ABCA8: variants seen among roughly 807,000 people sequenced by gnomAD.
ABCA8 encodes ABC-type organic anion transporter ABCA8.
In ABCA8, 177 loss-of-function variants were observed where a neutral mutation model predicts 192.3. The observed-to-expected ratio is 0.92, with a 90% CI of 0.81 to 1.04. ABCA8 has a LOEUF of 1.04. Among genes scored for constraint, ABCA8 ranks in the 50% least tolerant of loss-of-function variants. ABCA8 has a pLI of 0.00. For missense variants in ABCA8, 1,915 were observed against 1,904.8 expected (o/e 1.01, Z -0.10); for synonymous variants, 642 against 690.2 (o/e 0.93, Z 1.09).
chr17:68,907,388 G>A (rs1441120360), intron 18 of ABCA8, among the ~76,000 whole-genome samples: 9 of 152,004 alleles, frequency 5.9e-5, no homozygotes, highest in Admixed American at 2.0e-4. Context: ...AAGTCTCACC[G>A]AGACAGATAG....
In ABCA8 at chr17:68,907,775, T is replaced by G; in HGVS notation, c.2243A>C (p.Tyr748Ser). The change falls in exon 18 of 40, where the codon TAT becomes TCT. Residue 748 changes from tyrosine (Y) to serine (S), a missense_variant. Coordinates refer to ENST00000586539, the MANE Select transcript of ABCA8 (RefSeq NM_001288985.2). ...ATTTGTTCTTTCTAAGGGTAATGTATAAATAAGTTTTCCTTCGCTTTTGGC... is the reference window on the plus strand; with the variant it reads ...ATTTGTTCTTTCTAAGGGTAATGTAGAAATAAGTTTTCCTTCGCTTTTGGC... The part of the protein sequence containing the change: ...LSAKSEGKLI[Y>S]TLPLERTNKF... 6.2e-7 allele frequency: 1 copy of G among 1,607,932 alleles called. No homozygotes were observed. The highest frequency in any genetic ancestry group is 1.7e-5 in the Admixed American group (1 of 59,230).
In ABCA8 at chr17:68,933,160, G is replaced by T. The variant is rs775845109; in HGVS notation, c.570+8C>A. ...AACATTAGTTTGCTTTGAACATTTT[G>T]TACTCACTTCTATAATAGCAGCATT... is the stretch of plus-strand genomic sequence containing the variant. On this transcript the variant is annotated splice_region_variant and intron_variant, in intron 6 of 39. Coordinates refer to ENST00000586539, the MANE Select transcript of ABCA8 (RefSeq NM_001288985.2). 2.5e-6 allele frequency: 4 copies of T among 1,589,190 alleles called. No homozygotes were observed. The highest frequency in any genetic ancestry group is 3.4e-6 in the Non-Finnish European group (4 of 1,161,104).
At chr17:68,943,222 A>T (rs2068281688) in intron 2 of ABCA8, among the ~76,000 whole-genome samples, 1 of 152,292 alleles carries the variant, frequency 6.6e-6, no homozygotes, top group Non-Finnish European at 1.5e-5. Context: ...TTGTCTTTTT[A>T]AAATGTCACT....
rs770509486 is a variant in ABCA8, at chr17:68,891,535, G to A, written c.3098C>T (p.Ser1033Leu). 6 of 1,613,134 alleles carry A rather than the reference G, an allele frequency of 3.7e-6. No individual in the cohort carries two copies. Among genetic ancestry groups the A allele is most frequent in the East Asian group, 2.2e-5 (1 of 44,780 alleles). The stretch of plus-strand genomic sequence containing the variant: ...CATGGCAATGTAAGGTGGGCAACTC[G>A]ATGTTAAAACCAGCCAGAACATGAT... The part of the protein sequence containing the change: ...AYIMFWLVLT[S>L]SCPPYIAMSS... Residue 1033 changes from serine to leucine, a missense_variant, in exon 24 of 40, where the codon TCG becomes TTG. Transcript: ENST00000586539.
intron 39 of ABCA8, 43 bp from the exon 40 acceptor site, chr17:68,868,226 G>A: frequency 4.4e-6 from 7 of 1,606,320 alleles, no homozygotes; most frequent in Non-Finnish European, 6.0e-6. Flanking sequence ...ACAATGCCGT[G>A]CTGCCTCTGC....
intron 17 of ABCA8, among the ~76,000 whole-genome samples, chr17:68,915,153 T>C (rs1450462264): frequency 6.6e-6 from 1 of 152,122 alleles, no homozygotes; most frequent in Non-Finnish European, 1.5e-5. Flanking sequence ...ATTAAAGACT[T>C]ACTTATAAGT....
At chr17:68,898,372 TAAAG>T (rs1259641517) in intron 21 of ABCA8, among the ~76,000 whole-genome samples, 7 of 151,874 alleles carry the variant, frequency 4.6e-5, no homozygotes, top group African/African-American at 1.7e-4. Context: ...ATAAAAATAA[TAAAG>T]AATAAAAAAT....
chr17:68,926,253 G>A (rs2067695254), intron 10 of ABCA8, among the ~76,000 whole-genome samples: 1 of 152,138 alleles, frequency 6.6e-6, no homozygotes, highest in East Asian at 1.9e-4. Context: ...ATAAGCAATT[G>A]TAAACACAGT....
Position 68,917,355 on chromosome 17 carries a change from C to A in ABCA8, c.2138+6G>T. On this transcript the variant is annotated splice_donor_region_variant and intron_variant, in intron 17 of 39. Transcript: ENST00000586539. Reference sequence around the variant, plus strand: ...ATCTACTCCCAGCCTTCTTAAGTGACCTTACCTTAAGTGATATCCAATCCC... The same window carrying A: ...ATCTACTCCCAGCCTTCTTAAGTGAACTTACCTTAAGTGATATCCAATCCC... The A allele has an allele frequency of 6.3e-7, 1 of 1,594,446 alleles. No homozygotes were observed. Among genetic ancestry groups the A allele is most frequent in the South Asian group, 1.1e-5 (1 of 89,354 alleles).
At chr17:68,887,901 T>TGTCC (rs1374001244) in intron 24 of ABCA8, among the ~76,000 whole-genome samples, 1 of 56,212 alleles carries the variant, frequency 1.8e-5, no homozygotes, top group African/African-American at 1.5e-4. Context: ...TATATATATA[T>TGTCC]ATATATCCAT....
rs199960815 is a variant in ABCA8, at chr17:68,882,697, C to T, written c.3730G>A (p.Val1244Met). 3.1e-6 allele frequency: 5 copies of T among 1,612,608 alleles called. No homozygotes were observed. Among genetic ancestry groups the T allele is most frequent in the Non-Finnish European group, 4.2e-6 (5 of 1,179,462 alleles). ...FFRISPRSSD[V>M]CQNPEEPEGE... ...TCTGGTTCTTCTGGATTTTGACACA[C>T]ATCACTACTTCTTGGAGAAATTCTA... Residue 1244 changes from valine (V) to methionine (M), a missense_variant, in exon 30 of 40, where the codon GTG becomes ATG. By Grantham distance (21) the Val-to-Met change is conservative (BLOSUM62 1). Coordinates refer to ENST00000586539, the MANE Select transcript of ABCA8 (RefSeq NM_001288985.2).
intron 19 of ABCA8, among the ~76,000 whole-genome samples, chr17:68,905,648 A>C (rs1418672706): frequency 6.6e-6 from 1 of 152,176 alleles, no homozygotes; most frequent in Non-Finnish European, 1.5e-5. Flanking sequence ...AGAATCTGAT[A>C]TCTGTGGAAC....
chr17:68,891,428 TA>T, intron 24 of ABCA8, 60 bp downstream of exon 24: 1 of 1,204,272 alleles, frequency 8.3e-7, no homozygotes, highest in African/African-American at 1.5e-5. Flanking sequence ...TGAAAAATTG[TA>T]AAATTACCTT....
At position 68,929,212 on chromosome 17, in the gene ABCA8, C is replaced by A; in HGVS notation, c.962G>T (p.Ser321Ile). ...LSLVALAFLM[S>I]ILVKKSFLTG... ...GAGGAAAGATTTCTTTACCAAGATG[C>A]TCATTAAGAAAGCCAAAGCTACCTA... Residue 321 changes from serine (S) to isoleucine (I), a missense_variant, in exon 9 of 40, where the codon AGC becomes ATC. Coordinates refer to ENST00000586539, the MANE Select transcript of ABCA8 (RefSeq NM_001288985.2). The A allele has an allele frequency of 6.3e-7, 1 of 1,599,768 alleles. No homozygotes were observed. The highest frequency in any genetic ancestry group is 8.5e-7 in the Non-Finnish European group (1 of 1,173,902).
intron 21 of ABCA8, among the ~76,000 whole-genome samples, chr17:68,900,014 A>T (rs1451272209): frequency 1.3e-5 from 2 of 152,156 alleles, no homozygotes; most frequent in Non-Finnish European, 2.9e-5. Context: ...AAAATCTCAA[A>T]CCAGTGAGTG....
chr17:68,931,185 C>A (rs79086855), intron 7 of ABCA8, among the ~76,000 whole-genome samples: 5,309 of 152,258 alleles, frequency 0.035, 135 homozygotes, highest in South Asian at 0.076. Flanking sequence ...GTTTACGCCT[C>A]TCTTGCCATG....
rs951287278 is a variant in ABCA8 at position 68,929,300 on chromosome 17, A to G, written c.940-66T>C. On this transcript the variant is annotated intron_variant, in intron 8 of 39. Transcript: ENST00000586539. ...CATTATTACTAGCATAATAAAATAG[A>G]TATACAAAATTATAGTTATTTTGTG... 24 of 1,288,326 alleles carry G rather than the reference A, an allele frequency of 1.9e-5. No individual in the cohort carries two copies. The Admixed American group carries it at 2.2e-4, about 12-fold the overall frequency. The allele number at this position is 1,288,326 out of a possible 1,614,324, so 79.8% of individuals were successfully genotyped here.
Position 68,924,631 on chromosome 17 carries a change from C to T in ABCA8, c.1442+70G>A, listed in dbSNP as rs1355622559. On this transcript the variant is annotated intron_variant, in intron 11 of 39. Transcript: ENST00000586539. Reference sequence around the variant, plus strand: ...TGTCTACAGAGCACAAAAGGGAACACTGCTTGCCTCAGGTGCTATCTCTTA... The same window carrying T: ...TGTCTACAGAGCACAAAAGGGAACATTGCTTGCCTCAGGTGCTATCTCTTA... 21 of 1,525,782 alleles carry T rather than the reference C, an allele frequency of 1.4e-5. No individual in the cohort carries two copies. The African/African-American group carries it at 1.8e-4, about 13-fold the overall frequency. 94.5% of individuals were successfully genotyped at this position (1,525,782 alleles called of 1,614,324 possible).
At position 68,918,373 on chromosome 17, in the gene ABCA8, C is replaced by T. The variant is rs1387637002; in HGVS notation, c.1908+54G>A. On this transcript the variant is annotated intron_variant, in intron 15 of 39. Transcript: ENST00000586539. ...GCGAATAAAATATTTGAACTATTAC[C>T]AAAAGTTCCATTTTTTAAACTTTGA... 4 of 1,532,070 alleles carry T rather than the reference C, an allele frequency of 2.6e-6. No homozygotes were observed. In the African/African-American group the frequency reaches 4.2e-5, roughly 16 times the overall value. 94.9% of individuals were successfully genotyped at this position (1,532,070 alleles called of 1,614,324 possible).
Sources: allele counts gnomAD v4.1 joint callset (sites outside exome capture counted in the v4.1 genomes callset), GRCh38; gene constraint gnomAD v4.1.1; transcripts MANE v1.5; gene names NCBI Gene and HGNC (gene_info 2026-07-23, HGNC 2026-07-21).